The following KCNIP4 variants were observed in gnomAD, a reference collection of about 807,000 sequenced individuals.
KCNIP4 encodes the protein Kv channel-interacting protein 4.
Under a neutral mutation model 34.0 loss-of-function variants are expected in KCNIP4, and 12 were observed. The ratio of observed to expected loss-of-function variants is 0.35; its 90% confidence interval spans 0.23 to 0.57. KCNIP4 has a LOEUF of 0.57. Among genes scored for constraint, KCNIP4 ranks in the 20% least tolerant of loss-of-function variants. The pLI, the probability that KCNIP4 is intolerant of heterozygous loss-of-function variation, is 0.83. For synonymous variants in KCNIP4, 124 were observed against 102.2 expected, an observed-to-expected ratio of 1.21 and a Z score of -1.29; for missense variants, 238 against 311.7, an observed-to-expected ratio of 0.76 and a Z score of 1.78.
intron 1 of KCNIP4, among the ~76,000 whole-genome samples, chr4:21,049,367 A>C (rs529882579): frequency 6.6e-6 from 1 of 152,320 alleles, no homozygotes; most frequent in South Asian, 2.1e-4. Context: ...TGTTGTTTTA[A>C]GCCCGTAAGT....
chr4:21,396,434 T>C (rs940027424), intron 1 of KCNIP4, among the ~76,000 whole-genome samples: 1 of 150,698 alleles, frequency 6.6e-6, no homozygotes, highest in Non-Finnish European at 1.5e-5. Flanking sequence ...CAGATGCCTG[T>C]AGTCCCAGCT....
At chr4:21,525,567 G>A (rs895073801) in intron 1 of KCNIP4, among the ~76,000 whole-genome samples, 8 of 152,054 alleles carry the variant, frequency 5.3e-5, no homozygotes, top group African/African-American at 1.9e-4. Context: ...TTGGTATAGC[G>A]GCAGCTCATT....
intron 1 of KCNIP4, among the ~76,000 whole-genome samples, chr4:21,124,357 C>G (rs1750432316): frequency 6.6e-6 from 1 of 152,172 alleles, no homozygotes; most frequent in South Asian, 2.1e-4. Context: ...GTTTTGAGAA[C>G]TGATGGTATA....
At chr4:21,383,523 G>A (rs1302148542) in intron 1 of KCNIP4, among the ~76,000 whole-genome samples, 1 of 149,060 alleles carries the variant, frequency 6.7e-6, no homozygotes, top group Non-Finnish European at 1.5e-5. Flanking sequence ...AAAAGAGGGT[G>A]GAAGAGTTTT....
intron 1 of KCNIP4, among the ~76,000 whole-genome samples, chr4:21,167,315 G>C (rs894842337): frequency 6.6e-6 from 1 of 152,098 alleles, no homozygotes; most frequent in Non-Finnish European, 1.5e-5. Flanking sequence ...CCAAAACTTA[G>C]ATACTTTAAA....
intron 1 of KCNIP4, among the ~76,000 whole-genome samples, chr4:21,553,263 A>G (rs1249064276): frequency 6.6e-6 from 1 of 152,178 alleles, no homozygotes; most frequent in African/African-American, 2.4e-5. Flanking sequence ...TCAAACTGCC[A>G]TTCACTTCTC....
chr4:21,717,335 C>T (rs1361104214), intron 1 of KCNIP4, among the ~76,000 whole-genome samples: 1 of 152,072 alleles, frequency 6.6e-6, no homozygotes, highest in Non-Finnish European at 1.5e-5. Context: ...TTGATTTCAG[C>T]CCTAGTGACT....
chr4:21,632,777 T>C (rs1007800278), intron 1 of KCNIP4, among the ~76,000 whole-genome samples: 2 of 152,180 alleles, frequency 1.3e-5, no homozygotes, highest in African/African-American at 4.8e-5. Flanking sequence ...GAAGGGTATC[T>C]GGAGCAGGAG....
chr4:20,741,977 G>A (rs1428610287), intron 5 of KCNIP4, among the ~76,000 whole-genome samples: 4 of 152,158 alleles, frequency 2.6e-5, no homozygotes, highest in African/African-American at 9.7e-5. Context: ...TAGAAGAATG[G>A]ATAAATTCCT....
In KCNIP4 at chr4:20,987,987, C is replaced by T. The variant is rs371511418; in HGVS notation, c.62-105278G>A. The stretch of plus-strand genomic sequence containing the variant: ...CTGCACTCCAGCCTGGGCGACACGG[C>T]GAGATTCCATCTCAAAAAAAAAAAA... On this transcript the variant is annotated intron_variant, in intron 1 of 8. Coordinates refer to ENST00000382152, the MANE Select transcript of KCNIP4 (RefSeq NM_025221.6). 4.3e-4 allele frequency among the ~76,000 whole-genome samples: 26 copies of T among 60,326 alleles called. No homozygotes were observed. The South Asian group carries it at 4.7e-3, about 11-fold the overall frequency. The allele number at this position is 60,326 out of a possible 152,430, so 39.6% of individuals were successfully genotyped here. A position where few individuals can be genotyped will look rare whatever the true frequency, so the allele number is the denominator to read the frequency against.
chr4:21,487,287 T>C lies in KCNIP4; in HGVS notation c.61+461284A>G, dbSNP rs773289973. The stretch of plus-strand genomic sequence containing the variant: ...TGAGGAGTAAAGGTCAGGCATCTTG[T>C]ATAATGTCCTTTAGTTGGCATTTGT... On this transcript the variant is annotated intron_variant, in intron 1 of 8. Transcript: ENST00000382152. Among the ~76,000 whole-genome samples, 40 of 152,306 alleles carry C rather than the reference T, an allele frequency of 2.6e-4. 1 individual carries two copies. The highest frequency in any genetic ancestry group is 4.9e-4 in the Non-Finnish European group (33 of 68,032).
intron 1 of KCNIP4, among the ~76,000 whole-genome samples, chr4:20,958,748 T>C (rs974062786): frequency 1.3e-4 from 20 of 152,200 alleles, no homozygotes; most frequent in African/African-American, 4.8e-4. Flanking sequence ...TAAAATAATC[T>C]AAGCTAATTA....
At chr4:21,488,970 G>A (rs1013759280) in intron 1 of KCNIP4, among the ~76,000 whole-genome samples, 2 of 152,034 alleles carry the variant, frequency 1.3e-5, no homozygotes, top group African/African-American at 4.8e-5. Flanking sequence ...TATGAATTAA[G>A]GCTTATAAGA....
At chr4:21,402,992 G>T (rs181362944) in intron 1 of KCNIP4, among the ~76,000 whole-genome samples, 88 of 152,184 alleles carry the variant, frequency 5.8e-4, no homozygotes, top group African/African-American at 2.0e-3. Context: ...GAGCCCACAA[G>T]CCCATTCCAG....
intron 1 of KCNIP4, among the ~76,000 whole-genome samples, chr4:21,549,333 T>C (rs6813482): frequency 0.36 from 54,558 of 151,720 alleles, 10,118 homozygotes; most frequent in South Asian, 0.52. Context: ...CCATGGTGAA[T>C]GTGGGGCCTG....
intron 1 of KCNIP4, among the ~76,000 whole-genome samples, chr4:21,335,432 T>G (rs1716080021): frequency 6.6e-6 from 1 of 152,076 alleles, no homozygotes; most frequent in African/African-American, 2.4e-5. Flanking sequence ...CACAAAAAAA[T>G]ATGATACCGA....
intron 1 of KCNIP4, among the ~76,000 whole-genome samples, chr4:21,877,147 G>C (rs889476106): frequency 1.3e-5 from 2 of 152,116 alleles, no homozygotes; most frequent in Non-Finnish European, 2.9e-5. Context: ...GAGGTAAAGA[G>C]TTCAAGAACA....
intron 1 of KCNIP4, among the ~76,000 whole-genome samples, chr4:21,544,088 T>C (rs78002122): frequency 0.019 from 2,951 of 152,268 alleles, 49 homozygotes; most frequent in Non-Finnish European, 0.032. Context: ...CCCATTTCTC[T>C]GGAGTTCATA....
intron 1 of KCNIP4, among the ~76,000 whole-genome samples, chr4:21,586,982 C>G (rs765038909): frequency 6.6e-6 from 1 of 152,022 alleles, no homozygotes; most frequent in Non-Finnish European, 1.5e-5. Context: ...CTTATTCTCG[C>G]TAGCCAGGAG....
Sources: allele counts gnomAD v4.1 joint callset (sites outside exome capture counted in the v4.1 genomes callset), GRCh38; gene constraint gnomAD v4.1.1; transcripts MANE v1.5; gene names NCBI Gene and HGNC (gene_info 2026-07-23, HGNC 2026-07-21).